ARHGAP15: variants seen among roughly 807,000 people sequenced by gnomAD.
ARHGAP15 encodes the protein rho GTPase-activating protein 15.
Under a neutral mutation model 63.7 loss-of-function variants are expected in ARHGAP15, and 51 were observed. The observed-to-expected ratio is 0.80, with a 90% CI of 0.64 to 1.01. ARHGAP15 has a LOEUF of 1.01. Ranked by LOEUF, ARHGAP15 falls within the 50% of genes least tolerant of loss-of-function variation. The probability of loss-of-function intolerance (pLI) is 0.00; values close to 1 mark genes in which losing one functional copy is unlikely to be tolerated. For synonymous variants in ARHGAP15, 191 were observed against 193.8 expected (o/e 0.99, Z 0.12); for missense variants, 560 against 564.6 (o/e 0.99, Z 0.08).
At chr2:143,572,866 C>A (rs987546335) in intron 11 of ARHGAP15, among the ~76,000 whole-genome samples, 3 of 151,982 alleles carry the variant, frequency 2.0e-5, no homozygotes, top group African/African-American at 7.3e-5. Context: ...AACCAAAACA[C>A]AAAGAGCCAT....
chr2:143,259,928 A>T (rs964132185), intron 6 of ARHGAP15, among the ~76,000 whole-genome samples: 2 of 152,206 alleles, frequency 1.3e-5, no homozygotes, highest in African/African-American at 4.8e-5. Context: ...GAATCTAAAG[A>T]TATGCTATTT....
chr2:143,727,129 C>G (rs1390690038), intron 13 of ARHGAP15, among the ~76,000 whole-genome samples: 1 of 152,152 alleles, frequency 6.6e-6, no homozygotes, highest in Non-Finnish European at 1.5e-5. Context: ...TGCAAAAGAG[C>G]CAGCCCTTAG....
At position 143,768,141 on chromosome 2, in the gene ARHGAP15, A is replaced by G. The variant is rs751420655; in HGVS notation, c.1397A>G (p.Tyr466Cys). ...ATAGCTGAGCTCATGCTGAGTGAGT[A>G]CAGTAAGATCTTCGGCTCAGAGGAA... The part of the protein sequence containing the change: ...NQIAELMLSE[Y>C]SKIFGSEED Residue 466 changes from tyrosine (Y) to cysteine (C), a missense_variant, in exon 14 of 14, where the codon TAC (tyrosine) becomes TGC (cysteine). Transcript: ENST00000295095. 1.2e-6 allele frequency: 2 copies of G among 1,613,692 alleles called. No individual in the cohort carries two copies. Among genetic ancestry groups the G allele is most frequent in the Non-Finnish European group, 1.7e-6 (2 of 1,179,692 alleles).
At chr2:143,148,719 G>A (rs1345744963) in intron 1 of ARHGAP15, among the ~76,000 whole-genome samples, 1 of 151,942 alleles carries the variant, frequency 6.6e-6, no homozygotes, top group African/African-American at 2.4e-5. Flanking sequence ...CAATGGGGTG[G>A]CTATGGTCAC....
chr2:143,197,040 C>T (rs1691909771), intron 2 of ARHGAP15, among the ~76,000 whole-genome samples: 1 of 151,922 alleles, frequency 6.6e-6, no homozygotes, highest in African/African-American at 2.4e-5. Flanking sequence ...CCTTTGTCAG[C>T]ATTCTGAAAC....
intron 6 of ARHGAP15, among the ~76,000 whole-genome samples, chr2:143,317,205 GT>G (rs754590984): frequency 0.045 from 6,842 of 152,122 alleles, no homozygotes; most frequent in Non-Finnish European, 0.066. Context: ...TTGTCCCCCA[GT>G]GCCTATAAGA....
intron 8 of ARHGAP15, among the ~76,000 whole-genome samples, chr2:143,481,708 C>T (rs1356896887): frequency 6.6e-6 from 1 of 152,126 alleles, no homozygotes; most frequent in Non-Finnish European, 1.5e-5. Context: ...AGTAAGCATT[C>T]GTAGCTCTAG....
chr2:143,629,428 T>C (rs1255218944), intron 12 of ARHGAP15, among the ~76,000 whole-genome samples: 1 of 152,178 alleles, frequency 6.6e-6, no homozygotes, highest in African/African-American at 2.4e-5. Flanking sequence ...AAATGACTTG[T>C]ACTGAAGGCA....
chr2:143,714,808 A>G (rs757842456), intron 13 of ARHGAP15, among the ~76,000 whole-genome samples: 28 of 152,136 alleles, frequency 1.8e-4, no homozygotes, highest in Non-Finnish European at 3.5e-4. Context: ...CCTCATCTCC[A>G]TCTGAGACCA....
chr2:143,437,121 A>G (rs1558970787), intron 8 of ARHGAP15, 79 bp downstream of exon 8: 11 of 1,450,662 alleles, frequency 7.6e-6, no homozygotes, highest in Admixed American at 2.5e-5. Context: ...TTGAAATGAG[A>G]TTTAAGCCAA....
intron 5 of ARHGAP15, among the ~76,000 whole-genome samples, chr2:143,250,035 A>C (rs1227411459): frequency 6.6e-6 from 1 of 152,110 alleles, no homozygotes; most frequent in African/African-American, 2.4e-5. Context: ...GTCAGATTCT[A>C]AGCAACTCTA....
chr2:143,606,062 A>AAAAAAAAAAC (rs1559076886), intron 11 of ARHGAP15, among the ~76,000 whole-genome samples: 1 of 73,176 alleles, frequency 1.4e-5, no homozygotes. Context: ...AAAAAAAAAA[A>AAAAAAAAAAC]AAAAAAAAGC....
chr2:143,342,652 C>T (rs888655282), intron 6 of ARHGAP15, among the ~76,000 whole-genome samples: 1 of 151,988 alleles, frequency 6.6e-6, no homozygotes, highest in African/African-American at 2.4e-5. Context: ...CTCTGACAAC[C>T]TTTAAGTTTG....
At chr2:143,355,536 G>T (rs767096384) in intron 6 of ARHGAP15, among the ~76,000 whole-genome samples, 3 of 152,086 alleles carry the variant, frequency 2.0e-5, no homozygotes, top group South Asian at 2.1e-4. Flanking sequence ...TCTTGTCCAT[G>T]ATATTACCAA....
intron 12 of ARHGAP15, among the ~76,000 whole-genome samples, chr2:143,697,953 G>C (rs1182001482): frequency 6.6e-6 from 1 of 152,002 alleles, no homozygotes; most frequent in African/African-American, 2.4e-5. Flanking sequence ...TGACATATAG[G>C]GACTACCATG....
chr2:143,485,253 C>T (rs955988817), intron 8 of ARHGAP15, among the ~76,000 whole-genome samples: 2 of 152,100 alleles, frequency 1.3e-5, no homozygotes, highest in African/African-American at 4.8e-5. Flanking sequence ...GCCCCCACCC[C>T]TTGAAAGGCC....
At chr2:143,690,423 T>C (rs1683543681) in intron 12 of ARHGAP15, among the ~76,000 whole-genome samples, 1 of 152,172 alleles carries the variant, frequency 6.6e-6, no homozygotes, top group African/African-American at 2.4e-5. Flanking sequence ...ATCAAATTCT[T>C]CCTTGGGGTG....
intron 10 of ARHGAP15, chr2:143,521,826 A>C (rs1694075532): frequency 6.6e-6 from 1 of 152,198 alleles, no homozygotes; most frequent in Admixed American, 6.5e-5. Flanking sequence ...CTTTAAAAAA[A>C]CCTACAAATT....
intron 3 of ARHGAP15, among the ~76,000 whole-genome samples, chr2:143,214,096 T>C (rs1276495755): frequency 6.6e-6 from 1 of 152,240 alleles, no homozygotes; most frequent in Non-Finnish European, 1.5e-5. Context: ...ATCAATAATT[T>C]ATCTTTGTGG....
Sources: allele counts gnomAD v4.1 joint callset (sites outside exome capture counted in the v4.1 genomes callset), GRCh38; gene constraint gnomAD v4.1.1; transcripts MANE v1.5; gene names NCBI Gene and HGNC (gene_info 2026-07-23, HGNC 2026-07-21).